Variants in LAPTM4A observed in about 807,000 individuals in gnomAD.
LAPTM4A encodes the protein lysosomal protein transmembrane 4 alpha.
A neutral mutation model predicts 29.9 loss-of-function variants in LAPTM4A; 19 were observed. The ratio of observed to expected loss-of-function variants is 0.64; its 90% CI spans 0.44 to 0.93. LAPTM4A has a LOEUF of 0.93. LAPTM4A is among the 40% of genes least tolerant of loss of function. The pLI, the probability that LAPTM4A is intolerant of heterozygous loss-of-function variation, is 0.00. For missense variants in LAPTM4A, 293 were observed against 288.5 expected (o/e 1.02, Z -0.11); for synonymous variants, 105 against 102.1 (o/e 1.03, Z -0.17).
rs145912850 is a variant in LAPTM4A, at chr2:20,034,361, C to T, written c.583G>A (p.Val195Met). Residue 195 changes from valine to methionine, a missense_variant, in exon 6 of 7, where the codon GTG (valine) becomes ATG (methionine). Val to Met is a conservative substitution (Grantham distance 21, BLOSUM62 1). Coordinates refer to ENST00000175091, the MANE Select transcript of LAPTM4A (RefSeq NM_014713.5). ...GCAGGGTACACAGCAATCTCCGGCA[C>T]GTTTCGGTTGTTGATGTATTTATAG... ...NCYKYINNRN[V>M]PEIAVYPAFE... 3.1e-6 allele frequency: 5 copies of T among 1,614,014 alleles called. No individual in the cohort carries two copies. Among genetic ancestry groups the T allele is most frequent in the East Asian group, 2.2e-5 (1 of 44,880 alleles).
chr2:20,043,261 C>CTGGAG (rs1463833920), intron 1 of LAPTM4A, among the ~76,000 whole-genome samples: 2 of 143,470 alleles, frequency 1.4e-5, no homozygotes, highest in African/African-American at 2.6e-5. Context: ...GTCACCCAGG[C>CTGGAG]TGGAGTGCAG....
At chr2:20,048,302 G>C (rs558728752) in intron 1 of LAPTM4A, among the ~76,000 whole-genome samples, 1 of 152,220 alleles carries the variant, frequency 6.6e-6, no homozygotes, top group South Asian at 2.1e-4. Context: ...ATAAATGATA[G>C]AGAAAACCAT....
chr2:20,036,234 CCTCT>C (rs1253662931), intron 4 of LAPTM4A, among the ~76,000 whole-genome samples: 1 of 152,182 alleles, frequency 6.6e-6, no homozygotes, highest in Non-Finnish European at 1.5e-5. Context: ...CCCCACCCTC[CCTCT>C]GTGTGCCAGC....
chr2:20,047,603 T>C (rs1456111243), intron 1 of LAPTM4A, among the ~76,000 whole-genome samples: 1 of 146,886 alleles, frequency 6.8e-6, no homozygotes, highest in African/African-American at 2.5e-5. Context: ...GGCAGGAGAA[T>C]GGCGTGAACC....
Position 20,034,970 on chromosome 2 carries a change from A to C in LAPTM4A, c.525T>G (p.Phe175Leu). ...AAAGATTTAGTCAGCAACGTACCTTAAAAATGATGAATAAGGCAAAGAACA... is the reference window on the plus strand; with the variant it reads ...AAAGATTTAGTCAGCAACGTACCTTCAAAATGATGAATAAGGCAAAGAACA... The part of the protein sequence containing the change: ...VLVFFALFII[F>L]KAYLINCVWN... Residue 175 changes from phenylalanine (F) to leucine (L), a missense_variant, in exon 5 of 7, where the codon TTT becomes TTG. Phe to Leu is a conservative substitution (Grantham distance 22). Transcript: ENST00000175091. 1.2e-6 allele frequency: 2 copies of C among 1,608,248 alleles called. No homozygotes were observed. The highest frequency in any genetic ancestry group is 1.7e-4 in the Middle Eastern group (1 of 6,058).
At chr2:20,036,811 C>T (rs533795040) in intron 4 of LAPTM4A, among the ~76,000 whole-genome samples, 59 of 152,322 alleles carry the variant, frequency 3.9e-4, no homozygotes, top group South Asian at 8.3e-4. Flanking sequence ...GTGACAGCTC[C>T]CGCTTGTTAT....
intron 1 of LAPTM4A, among the ~76,000 whole-genome samples, chr2:20,047,971 A>AC (rs756071749): frequency 3.9e-5 from 6 of 152,220 alleles, no homozygotes; most frequent in Admixed American, 6.5e-5. Flanking sequence ...ACTAACAAAT[A>AC]TAAACAAGCT....
At chr2:20,042,774 G>GTCT (rs1340945790) in intron 1 of LAPTM4A, among the ~76,000 whole-genome samples, 2 of 152,174 alleles carry the variant, frequency 1.3e-5, no homozygotes. Flanking sequence ...CTGCATTTAA[G>GTCT]TACTCAGAAA....
chr2:20,051,081 C>T (rs1173640731), intron 1 of LAPTM4A, among the ~76,000 whole-genome samples: 1 of 152,070 alleles, frequency 6.6e-6, no homozygotes, highest in Non-Finnish European at 1.5e-5. Context: ...CAACAAGAAC[C>T]AAAACAGAGG....
chr2:20,038,558 T>C (rs1056668336), intron 2 of LAPTM4A, among the ~76,000 whole-genome samples: 14 of 152,008 alleles, frequency 9.2e-5, no homozygotes, highest in Admixed American at 5.9e-4. Flanking sequence ...CCCAAGTAGC[T>C]GGAATTATAG....
At chr2:20,045,424 T>C (rs1320994153) in intron 1 of LAPTM4A, among the ~76,000 whole-genome samples, 1 of 150,682 alleles carries the variant, frequency 6.6e-6, no homozygotes, top group Non-Finnish European at 1.5e-5. Flanking sequence ...AATCATGCCA[T>C]TGCACACCAG....
intron 1 of LAPTM4A, among the ~76,000 whole-genome samples, chr2:20,046,550 C>A (rs111383198): frequency 6.6e-6 from 1 of 151,252 alleles, no homozygotes; most frequent in Non-Finnish European, 1.5e-5. Context: ...GTAGTTACTG[C>A]GATCTAGGCT....
chr2:20,041,798 A>C (rs1673808090), intron 1 of LAPTM4A, among the ~76,000 whole-genome samples: 1 of 152,200 alleles, frequency 6.6e-6, no homozygotes, highest in African/African-American at 2.4e-5. Context: ...AGCCTCCCAA[A>C]GTGTTGGTAT....
chr2:20,045,828 T>C (rs949410011), intron 1 of LAPTM4A, among the ~76,000 whole-genome samples: 1 of 152,174 alleles, frequency 6.6e-6, no homozygotes, highest in African/African-American at 2.4e-5. Context: ...TTTCCCACAG[T>C]AATTTGCCCA....
In LAPTM4A at chr2:20,040,979, A is replaced by C; in HGVS notation, c.144T>G (p.Thr48=). ...VVNLLMAILL[T]VEVTHPNSMP... ...TGGAGTTTGGATGAGTCACTTCCAC[A>C]GTCAGCAAAATTGCCATCAATAGGT... is the stretch of plus-strand genomic sequence containing the variant. The change falls in exon 2 of 7, where the codon ACT becomes ACG. Residue 48 remains threonine, a synonymous_variant. Transcript: ENST00000175091. The C allele has an allele frequency of 6.2e-7, 1 of 1,613,834 alleles. No homozygotes were observed.
At chr2:20,035,120 A>G in intron 4 of LAPTM4A, 58 bp from the exon 5 acceptor site, 1 of 1,135,884 alleles carries the variant, frequency 8.8e-7, no homozygotes, top group East Asian at 2.5e-5. Context: ...ACTTGCTGAT[A>G]ACCTGAAGAG....
In LAPTM4A at chr2:20,051,426, A is replaced by G; in HGVS notation, c.95T>C (p.Leu32Pro). 1.2e-6 allele frequency: 2 copies of G among 1,607,238 alleles called. No individual in the cohort carries two copies. Among genetic ancestry groups the G allele is most frequent in the South Asian group, 1.1e-5 (1 of 90,788 alleles). ...CCGCCTTACCATGTACCAGGTCCCC[A>G]GGATGATCGTCCCGGTGCGGACATG... ...CCHVRTGTIILGTWYMVVNLL... is the reference protein window; with the variant it reads ...CCHVRTGTIIPGTWYMVVNLL... The change falls in exon 1 of 7, where the codon CTG becomes CCG. Residue 32 changes from leucine (L) to proline (P), a missense_variant. Coordinates refer to ENST00000175091, the MANE Select transcript of LAPTM4A (RefSeq NM_014713.5).
Position 20,035,031 on chromosome 2 carries a change from G to A in LAPTM4A, c.464C>T (p.Ala155Val). Residue 155 changes from alanine (A) to valine (V), a missense_variant, in exon 5 of 7, where the codon GCC becomes GTC. Coordinates refer to ENST00000175091, the MANE Select transcript of LAPTM4A (RefSeq NM_014713.5). ...GAACAGGAGGCAGCTGGAGTCCAAG[G>A]CCAGGAGGTCATCTTTGTAGGGAAA... Reference protein sequence around the residue: ...PDFPYKDDLLALDSSCLLFIV... With the variant: ...PDFPYKDDLLVLDSSCLLFIV... 6.2e-7 allele frequency: 1 copy of A among 1,612,900 alleles called. No individual in the cohort carries two copies. The highest frequency in any genetic ancestry group is 8.5e-7 in the Non-Finnish European group (1 of 1,179,144).
chr2:20,040,853 G>T lies in LAPTM4A; in HGVS notation c.232+38C>A, dbSNP rs1673780640. 20 of 1,591,058 alleles carry T rather than the reference G, an allele frequency of 1.3e-5. No homozygotes were observed. The East Asian group carries it at 4.2e-4, about 34-fold the overall frequency. ...AACACAGGACTGTATATAAAAATTAGCAGGGGAGATTTTTTTGTTTTTCTA... is the reference window on the plus strand; with the variant it reads ...AACACAGGACTGTATATAAAAATTATCAGGGGAGATTTTTTTGTTTTTCTA... On this transcript the variant is annotated intron_variant, in intron 2 of 6. Transcript: ENST00000175091.
Sources: gnomAD v4.1 joint callset for allele counts (sites outside exome capture counted in the v4.1 genomes callset) on GRCh38, gnomAD v4.1.1 for gene constraint, MANE v1.5 for transcripts, NCBI Gene and HGNC (gene_info 2026-07-23, HGNC 2026-07-21) for gene names.